SLC45A2: variants seen among roughly 807,000 people sequenced by gnomAD.
SLC45A2 encodes the protein membrane-associated transporter protein.
In SLC45A2, 36 loss-of-function variants were observed where a neutral mutation model predicts 45.5. That is an observed-to-expected ratio of 0.79 (90% CI 0.61 to 1.04). The LOEUF is 1.04. Ranked by LOEUF, SLC45A2 falls within the 50% of genes least tolerant of loss-of-function variation. SLC45A2 has a pLI of 0.00. For synonymous variants in SLC45A2, 306 were observed against 269.3 expected, an observed-to-expected ratio of 1.14 and a Z score of -1.33; for missense variants, 719 against 671.0, an observed-to-expected ratio of 1.07 and a Z score of -0.79.
At chr5:33,969,700 T>C (rs1343577087) in intron 2 of SLC45A2, among the ~76,000 whole-genome samples, 2 of 152,152 alleles carry the variant, frequency 1.3e-5, no homozygotes, top group African/African-American at 2.4e-5. Flanking sequence ...CACATATTGG[T>C]AAATCCCTTA....
intron 2 of SLC45A2, among the ~76,000 whole-genome samples, chr5:33,981,390 T>C (rs1454913276): frequency 1.3e-5 from 2 of 152,134 alleles, no homozygotes; most frequent in East Asian, 3.9e-4. Flanking sequence ...TACCTGGCCA[T>C]GGAAGGAGAG....
chr5:33,955,658 AAC>A (rs372015410), intron 3 of SLC45A2, among the ~76,000 whole-genome samples: 34 of 149,748 alleles, frequency 2.3e-4, no homozygotes, highest in African/African-American at 3.2e-4. Context: ...CACACACACA[AAC>A]ACACACACAC....
chr5:33,958,758 C>T (rs1038059818), intron 3 of SLC45A2, among the ~76,000 whole-genome samples: 6 of 152,064 alleles, frequency 3.9e-5, no homozygotes, highest in African/African-American at 7.2e-5. Flanking sequence ...CTAGAAAGTT[C>T]GTTGTATCTG....
At position 33,984,338 on chromosome 5, in the gene SLC45A2, G is replaced by T; in HGVS notation, c.246C>A (p.Phe82Leu). Residue 82 changes from phenylalanine (F) to leucine (L), a missense_variant, in exon 1 of 7, where the codon TTC (phenylalanine) becomes TTA (leucine). By Grantham distance (22) the Phe-to-Leu change is conservative. Transcript: ENST00000296589. ...IVWFLSPILG[F>L]LLQPVVGSAS... ...CCGATCCGACCACGGGCTGCAGCAGGAATCCCAGGATGGGGCTGAGGAACC... is the reference window on the plus strand; with the variant it reads ...CCGATCCGACCACGGGCTGCAGCAGTAATCCCAGGATGGGGCTGAGGAACC... 3.1e-6 allele frequency: 5 copies of T among 1,614,100 alleles called. No individual in the cohort carries two copies. Among genetic ancestry groups the T allele is most frequent in the Non-Finnish European group, 4.2e-6 (5 of 1,180,002 alleles).
intron 2 of SLC45A2, among the ~76,000 whole-genome samples, chr5:33,980,653 C>T (rs541545568): frequency 6.6e-6 from 1 of 152,288 alleles, no homozygotes; most frequent in Non-Finnish European, 1.5e-5. Flanking sequence ...AACAACAGGT[C>T]TGCTCAGCTG....
intron 5 of SLC45A2, among the ~76,000 whole-genome samples, chr5:33,948,604 G>C (rs1752007290): frequency 6.6e-6 from 1 of 152,248 alleles, no homozygotes; most frequent in Admixed American, 6.5e-5. Context: ...ATCTGGAAAT[G>C]ACAAGTAGGC....
intron 6 of SLC45A2, chr5:33,946,516 A>T: frequency 1.0e-6 from 1 of 985,602 alleles, no homozygotes; most frequent in Non-Finnish European, 1.2e-6. Flanking sequence ...TTTAGAGTGG[A>T]AACACCAACT....
chr5:33,981,157 G>C (rs1312118059), intron 2 of SLC45A2, among the ~76,000 whole-genome samples: 1 of 152,186 alleles, frequency 6.6e-6, no homozygotes, highest in Non-Finnish European at 1.5e-5. Flanking sequence ...AGTGGGCAGG[G>C]GCCAGTGACA....
intron 6 of SLC45A2, chr5:33,945,897 C>T (rs938349742): frequency 5.6e-6 from 5 of 899,208 alleles, no homozygotes; most frequent in African/African-American, 5.4e-5. Flanking sequence ...TTTAAAAATG[C>T]CGGAAAGATT....
At chr5:33,959,204 G>C (rs1752370764) in intron 3 of SLC45A2, among the ~76,000 whole-genome samples, 2 of 151,996 alleles carry the variant, frequency 1.3e-5, no homozygotes, top group African/African-American at 4.8e-5. Flanking sequence ...ATGTTATGCA[G>C]CTTTGTTTTC....
chr5:33,973,228 T>C (rs945787152), intron 2 of SLC45A2, among the ~76,000 whole-genome samples: 2 of 152,200 alleles, frequency 1.3e-5, no homozygotes, highest in Non-Finnish European at 2.9e-5. Context: ...GACTTGGAGA[T>C]TCTTTGAGAG....
intron 2 of SLC45A2, among the ~76,000 whole-genome samples, chr5:33,974,639 T>A (rs935806760): frequency 6.6e-6 from 1 of 152,200 alleles, no homozygotes; most frequent in Non-Finnish European, 1.5e-5. Context: ...AAGTTTGGCA[T>A]GTATGCAAAG....
intron 2 of SLC45A2, among the ~76,000 whole-genome samples, chr5:33,966,785 T>A (rs1304104972): frequency 2.6e-5 from 4 of 152,188 alleles, no homozygotes; most frequent in African/African-American, 4.8e-5. Flanking sequence ...AATATATCAA[T>A]GAATTCAAAA....
At chr5:33,982,129 G>C in intron 2 of SLC45A2, 107 bp downstream of exon 2, 1 of 1,263,810 alleles carries the variant, frequency 7.9e-7, no homozygotes, top group Non-Finnish European at 1.2e-6. Flanking sequence ...CCCATCAGCT[G>C]ACCCGTTCAT....
At position 33,947,213 on chromosome 5, in the gene SLC45A2, T is replaced by G. The variant is rs762539147; in HGVS notation, c.1318A>C (p.Thr440Pro). ...LFGVMSSTLY[T>P]VPFNLITEYH... ...TCAGTAATGAGGTTAAAGGGCACAG[T>G]GTACAGGGTGCTGGACATTACACCA... The change falls in exon 6 of 7, where the codon ACT (threonine) becomes CCT (proline). Residue 440 changes from threonine to proline, a missense_variant. Transcript: ENST00000296589. 3 of 1,614,102 alleles carry G rather than the reference T, an allele frequency of 1.9e-6. No homozygotes were observed. Among genetic ancestry groups the G allele is most frequent in the African/African-American group, 2.7e-5 (2 of 74,932 alleles).
At position 33,954,433 on chromosome 5, in the gene SLC45A2, A is replaced by G; in HGVS notation, c.960T>C (p.Leu320=). 6.2e-7 allele frequency: 1 copy of G among 1,614,072 alleles called. No homozygotes were observed. Among genetic ancestry groups the G allele is most frequent in the Non-Finnish European group, 8.5e-7 (1 of 1,179,994 alleles). Residue 320 remains leucine (L), a synonymous_variant, in exon 4 of 7, where the codon CTT becomes CTC. Transcript: ENST00000296589. The part of the protein sequence containing the change: ...LVNMPPHYRY[L]CISHLIGWTA... ...TCCATCCAATGAGGTGGCTGATGCA[A>G]AGGTAGCGGTAGTGAGGAGGCATGT... is the stretch of plus-strand genomic sequence containing the variant.
chr5:33,976,983 C>T (rs1752947036), intron 2 of SLC45A2, among the ~76,000 whole-genome samples: 1 of 152,034 alleles, frequency 6.6e-6, no homozygotes, highest in Non-Finnish European at 1.5e-5. Flanking sequence ...ATACTCTAAC[C>T]CTCAATGGGA....
intron 2 of SLC45A2, 81 bp downstream of exon 2, chr5:33,982,155 T>C: frequency 6.6e-7 from 1 of 1,522,482 alleles, no homozygotes; most frequent in East Asian, 2.3e-5. Context: ...AAACTCCACG[T>C]GTAGAGACAC....
chr5:33,971,449 G>GT, intron 2 of SLC45A2: 3 of 418,454 alleles, frequency 7.2e-6, no homozygotes, highest in South Asian at 3.8e-5. Context: ...CTTTTTTTTT[G>GT]TTTTTTGGAG....
Sources: gnomAD v4.1 joint callset for allele counts (sites outside exome capture counted in the v4.1 genomes callset) on GRCh38, gnomAD v4.1.1 for gene constraint, MANE v1.5 for transcripts, NCBI Gene and HGNC (gene_info 2026-07-23, HGNC 2026-07-21) for gene names.